The following TRRAP variants were observed in gnomAD, a reference collection of about 807,000 sequenced individuals.
The protein encoded by TRRAP is transformation/transcription domain associated protein.
TRRAP carries 41 observed loss-of-function variants against 438.8 expected under a neutral mutation model. That is an observed-to-expected ratio of 0.09 (90% CI 0.07 to 0.12). The LOEUF is 0.12. TRRAP is among the 10% of genes least tolerant of loss of function. The probability of loss-of-function intolerance (pLI) is 1.00; values close to 1 mark genes in which losing one functional copy is unlikely to be tolerated. For missense variants in TRRAP, 3,122 were observed against 5,055.1 expected, an observed-to-expected ratio of 0.62 and a Z score of 11.60; for synonymous variants, 1,994 against 1,962.9, an observed-to-expected ratio of 1.02 and a Z score of -0.42.
chr7:98,975,972 C>T (rs183344396), intron 53 of TRRAP, 177 bp from the exon 54 acceptor site: 1 of 813,408 alleles, frequency 1.2e-6, no homozygotes, highest in Non-Finnish European at 1.8e-6. Flanking sequence ...CATGGCTTCC[C>T]ACCACTCAGG....
At chr7:99,004,983 T>C (rs895394406) in intron 68 of TRRAP, 148 bp from the exon 69 acceptor site, 2 of 726,628 alleles carry the variant, frequency 2.8e-6, no homozygotes, top group Non-Finnish European at 4.6e-6. Flanking sequence ...CGCATCAGGG[T>C]GAGGCAGGGT....
chr7:98,967,464 GTC>G lies in TRRAP; in HGVS notation c.7299-17_7299-16del. On this transcript the variant is annotated intron_variant, in intron 50 of 72. Coordinates refer to ENST00000456197, the MANE Select transcript of TRRAP (RefSeq NM_001375524.1). ...ACTTGGGGAGTCCATCGTCTTGCCTGTCTCTGACTTGGTGTTACAGGGATGAG... is the reference window on the plus strand; with the variant it reads ...ACTTGGGGAGTCCATCGTCTTGCCTGTCTGACTTGGTGTTACAGGGATGAG... 1 of 1,612,744 alleles carries G rather than the reference GTC, an allele frequency of 6.2e-7. No individual in the cohort carries two copies. Among genetic ancestry groups the G allele is most frequent in the South Asian group, 1.1e-5 (1 of 91,024 alleles).
At chr7:98,959,229 G>T in intron 44 of TRRAP, 115 bp from the exon 45 acceptor site, 1 of 1,403,858 alleles carries the variant, frequency 7.1e-7, no homozygotes, top group Non-Finnish European at 9.8e-7. Context: ...GTGGCTGTGA[G>T]GTGAAGATCT....
rs1389580772 is a variant in TRRAP at position 98,964,263 on chromosome 7, CT to C, written c.6830-363del. Among the ~76,000 whole-genome samples, 4 of 152,114 alleles carry C rather than the reference CT, an allele frequency of 2.6e-5. No individual in the cohort carries two copies. The East Asian group carries it at 7.7e-4, about 29-fold the overall frequency. On this transcript the variant is annotated intron_variant, in intron 47 of 72. Coordinates refer to ENST00000456197, the MANE Select transcript of TRRAP (RefSeq NM_001375524.1). ...TGAATTCAAAGATATTTGGCATGTC[CT>C]TTAGATAGACTAGATTTTTCTTCCT...
chr7:98,912,192 T>G lies in TRRAP; in HGVS notation c.2178T>G (p.Ala726=). 1 of 1,613,746 alleles carries G rather than the reference T, an allele frequency of 6.2e-7. No individual in the cohort carries two copies. Residue 726 remains alanine (A), a synonymous_variant, in exon 18 of 73, where the codon GCT becomes GCG. Coordinates refer to ENST00000456197, the MANE Select transcript of TRRAP (RefSeq NM_001375524.1). ...TTGGCTCTGTCTCCCTCTTTGCAGC[T>G]GAAAATGAACAAATGCTGAAGGTAA... ...LVFGSVSLFA[A]ENEQMLKPHL...
rs914935138 is a variant in TRRAP, at chr7:98,950,046, C to A, written c.5136-18C>A. 2.5e-6 allele frequency: 4 copies of A among 1,613,694 alleles called. No homozygotes were observed. The East Asian group carries it at 8.9e-5, about 36-fold the overall frequency. On this transcript the variant is annotated intron_variant, in intron 37 of 72. Transcript: ENST00000456197. ...AATTTGCTCTAAGTTAACCTGTCTT[C>A]TTCTTTTGACCCTCCAGAAGGAATT...
chr7:98,950,531 A>G (rs529747706), intron 38 of TRRAP, among the ~76,000 whole-genome samples: 1 of 152,332 alleles, frequency 6.6e-6, no homozygotes, highest in East Asian at 1.9e-4. Flanking sequence ...CAAGAAAAAA[A>G]TAAAATTAGT....
intron 30 of TRRAP, among the ~76,000 whole-genome samples, chr7:98,941,446 A>C (rs1790792328): frequency 6.6e-6 from 1 of 152,200 alleles, no homozygotes; most frequent in Admixed American, 6.5e-5. Flanking sequence ...CTGGGATTAC[A>C]GGAGTGAGCT....
rs1486798372 is a variant in TRRAP at position 98,994,204 on chromosome 7, C to T, written c.10048-383C>T. ...ATGCTTACCTGGTTGAGCCCCGGGG[C>T]CAGCTCCTTACTGCTGTGAAGTCTC... On this transcript the variant is annotated intron_variant, in intron 66 of 72. Coordinates refer to ENST00000456197, the MANE Select transcript of TRRAP (RefSeq NM_001375524.1). The surrounding 1 kb of genome is among the most constrained non-coding windows in gnomAD (Gnocchi z 4.8). Among the ~76,000 whole-genome samples the T allele has an allele frequency of 6.6e-6, 1 of 152,208 alleles. No individual in the cohort carries two copies. Among genetic ancestry groups the T allele is most frequent in the Non-Finnish European group, 1.5e-5 (1 of 68,032 alleles).
At chr7:98,978,104 T>A in intron 56 of TRRAP, 107 bp from the exon 57 acceptor site, 1 of 1,002,394 alleles carries the variant, frequency 1.0e-6, no homozygotes, top group Non-Finnish European at 1.5e-6. Context: ...TTTGGCAACA[T>A]AGCAAAACCT....
Position 98,892,558 on chromosome 7 carries a change from T to C in TRRAP, c.366+30T>C, listed in dbSNP as rs375690348. ...GTTTTGAGAATTAATTCTTGTCGTA[T>C]AGCCGTATGTAAAACTTTCACTGAT... On this transcript the variant is annotated intron_variant, in intron 5 of 72. Transcript: ENST00000456197. 77 of 1,504,812 alleles carry C rather than the reference T, an allele frequency of 5.1e-5. No individual in the cohort carries two copies. In the African/African-American group the frequency reaches 1.0e-3, roughly 20 times the overall value. 93.2% of individuals were successfully genotyped at this position (1,504,812 alleles called of 1,614,324 possible).
intron 69 of TRRAP, among the ~76,000 whole-genome samples, chr7:99,007,063 G>A (rs1480373500): frequency 6.6e-6 from 1 of 152,218 alleles, no homozygotes; most frequent in Non-Finnish European, 1.5e-5. Context: ...ACCGAATGGT[G>A]ATTGGGAACA....
chr7:98,902,379 A>G (rs1400616251), intron 11 of TRRAP, among the ~76,000 whole-genome samples: 1 of 152,230 alleles, frequency 6.6e-6, no homozygotes, highest in African/African-American at 2.4e-5. Context: ...GAATTCTTAT[A>G]TGATTGTTCT....
intron 18 of TRRAP, among the ~76,000 whole-genome samples, chr7:98,915,216 G>C (rs1554409391): frequency 6.6e-6 from 1 of 151,326 alleles, no homozygotes; most frequent in Non-Finnish European, 1.5e-5. Flanking sequence ...TTTTGAGACC[G>C]AATTTCACTC....
At position 98,956,617 on chromosome 7, in the gene TRRAP, G is replaced by A. The variant is rs1422299564; in HGVS notation, c.6231+84G>A. On this transcript the variant is annotated intron_variant, in intron 43 of 72. Coordinates refer to ENST00000456197, the MANE Select transcript of TRRAP (RefSeq NM_001375524.1). The surrounding 1 kb of genome is among the most constrained non-coding windows in gnomAD (Gnocchi z 4.5). ...TTCCCTATATTTAGAATGTGAGCTC[G>A]GTGCTCAGCTGCATTCAGGAGAGGA... The A allele has an allele frequency of 7.2e-6, 11 of 1,530,020 alleles. No homozygotes were observed. The highest frequency in any genetic ancestry group is 4.5e-5 in the East Asian group (2 of 44,294). 94.8% of individuals were successfully genotyped at this position (1,530,020 alleles called of 1,614,324 possible).
chr7:98,893,954 C>G, intron 6 of TRRAP, 73 bp downstream of exon 6: 1 of 1,471,404 alleles, frequency 6.8e-7, no homozygotes, highest in Non-Finnish European at 9.4e-7. Flanking sequence ...TTTTTGCTGT[C>G]TCAAAGTTGG....
At chr7:98,917,400 G>A in intron 19 of TRRAP, 23 bp from the exon 20 acceptor site, 1 of 1,608,414 alleles carries the variant, frequency 6.2e-7, no homozygotes, top group Non-Finnish European at 8.5e-7. Context: ...TTCCCTCTCT[G>A]ATAGCTGCAC....
intron 6 of TRRAP, among the ~76,000 whole-genome samples, chr7:98,895,423 A>G (rs188984088): frequency 1.7e-4 from 26 of 152,320 alleles, no homozygotes; most frequent in African/African-American, 5.5e-4. Flanking sequence ...GGAAGGTTTC[A>G]GTGGTTTACG....
Position 98,906,162 on chromosome 7 carries a change from A to G in TRRAP, c.1037-15A>G. ...GTTTTGTTAGTGATCTGTGCAATGG[A>G]TGTTTGTCTTCTAGAGTTCATTCCT... is the stretch of plus-strand genomic sequence containing the variant. On this transcript the variant is annotated splice_polypyrimidine_tract_variant and intron_variant, in intron 12 of 72. Coordinates refer to ENST00000456197, the MANE Select transcript of TRRAP (RefSeq NM_001375524.1). 1.2e-6 allele frequency: 2 copies of G among 1,612,426 alleles called. No homozygotes were observed. Among genetic ancestry groups the G allele is most frequent in the East Asian group, 2.2e-5 (1 of 44,828 alleles).
Sources: allele counts gnomAD v4.1 joint callset (sites outside exome capture counted in the v4.1 genomes callset), GRCh38; gene constraint gnomAD v4.1.1; non-coding constraint Gnocchi (gnomAD v3.1); transcripts MANE v1.5; gene names NCBI Gene and HGNC (gene_info 2026-07-23, HGNC 2026-07-21).